The following ASCC2 variants were observed in gnomAD, a reference collection of about 807,000 sequenced individuals.
ASCC2 encodes ASC-1 complex subunit P100.
Under a neutral mutation model 93.5 loss-of-function variants are expected in ASCC2, and 42 were observed. The ratio of observed to expected loss-of-function variants is 0.45; its 90% confidence interval spans 0.35 to 0.58. The LOEUF is 0.58. Among genes scored for constraint, ASCC2 ranks in the 20% least tolerant of loss-of-function variants. ASCC2 has a pLI of 0.00. For missense variants in ASCC2, 859 were observed against 977.6 expected, an observed-to-expected ratio of 0.88 and a Z score of 1.62; for synonymous variants, 364 against 384.2, an observed-to-expected ratio of 0.95 and a Z score of 0.62.
intron 5 of ASCC2, among the ~76,000 whole-genome samples, chr22:29,819,981 T>C (rs1569412979): frequency 1.3e-5 from 2 of 151,864 alleles, no homozygotes; most frequent in African/African-American, 4.8e-5. Context: ...AGAATCAGCC[T>C]CCAGAGTAGC....
rs567995470 is a variant in ASCC2 at position 29,809,113 on chromosome 22, C to T, written c.834-928G>A. On this transcript the variant is annotated intron_variant, in intron 8 of 19. Transcript: ENST00000307790. ...CTCCAGCCTGGGCAACAGAGTGAGA[C>T]TCTGTCTCAAAAAAAAAAAAAAAAA... 1.9e-3 allele frequency among the ~76,000 whole-genome samples: 244 copies of T among 129,960 alleles called. 7 individuals are homozygous for T. In the South Asian group the frequency reaches 0.053, roughly 28 times the overall value. The allele number at this position is 129,960 out of a possible 152,430, so 85.3% of individuals were successfully genotyped here.
In ASCC2 at chr22:29,810,231, T is replaced by A. The variant is rs147726640; in HGVS notation, c.834-2046A>T. ...TCTTCCTTTCCAGAACTAGATGCAC[T>A]GCATGTGGAATATATTGCCCTGTTG... is the stretch of plus-strand genomic sequence containing the variant. On this transcript the variant is annotated intron_variant, in intron 8 of 19. Transcript: ENST00000307790. The A allele has an allele frequency of 4.6e-5, 7 of 152,412 alleles. No individual in the cohort carries two copies. In the East Asian group the frequency reaches 1.3e-3, roughly 29 times the overall value. 9.4% of individuals were successfully genotyped at this position (152,412 alleles called of 1,614,324 possible).
intron 12 of ASCC2, among the ~76,000 whole-genome samples, chr22:29,805,331 T>A (rs1250587902): frequency 6.6e-6 from 1 of 152,170 alleles, no homozygotes; most frequent in Non-Finnish European, 1.5e-5. Context: ...CTGGGCACTG[T>A]CAAGCCAGAA....
chr22:29,805,240 G>A (rs1007867835), intron 12 of ASCC2, among the ~76,000 whole-genome samples: 2 of 152,218 alleles, frequency 1.3e-5, no homozygotes, highest in African/African-American at 4.8e-5. Context: ...CCCTGAAGCA[G>A]GACTGAGCAA....
intron 5 of ASCC2, chr22:29,822,000 T>TC: frequency 2.3e-6 from 1 of 430,382 alleles, no homozygotes; most frequent in Non-Finnish European, 4.6e-6. Flanking sequence ...CTTTGTCTTT[T>TC]TTCTTTTTTT....
intron 19 of ASCC2, among the ~76,000 whole-genome samples, chr22:29,790,040 C>A (rs1410902848): frequency 2.6e-5 from 4 of 152,222 alleles, no homozygotes; most frequent in African/African-American, 7.2e-5. Context: ...AGGGGCCCAA[C>A]TCAAGTGCCC....
At chr22:29,797,107 G>A (rs956846681) in intron 15 of ASCC2, among the ~76,000 whole-genome samples, 7 of 152,172 alleles carry the variant, frequency 4.6e-5, no homozygotes, top group Non-Finnish European at 7.4e-5. Context: ...AGCCAGAAAG[G>A]AAAAAGAAAA....
intron 5 of ASCC2, among the ~76,000 whole-genome samples, chr22:29,817,305 T>G (rs1335225240): frequency 6.6e-6 from 1 of 152,102 alleles, no homozygotes; most frequent in Non-Finnish European, 1.5e-5. Context: ...CACCAAACTC[T>G]GTTCTTCCTA....
At chr22:29,790,656 G>T in intron 18 of ASCC2, 108 bp from the exon 19 acceptor site, 1 of 1,156,320 alleles carries the variant, frequency 8.6e-7, no homozygotes, top group Non-Finnish European at 1.3e-6. Flanking sequence ...CATGCCAGGT[G>T]TGGGGGGAAG....
chr22:29,798,296 C>T lies in ASCC2; in HGVS notation c.1688+2695G>A, dbSNP rs5997527. Among the ~76,000 whole-genome samples, 157 of 152,246 alleles carry T rather than the reference C, an allele frequency of 1.0e-3. 2 individuals carry two copies. Among genetic ancestry groups the T allele is most frequent in the African/African-American group, 3.7e-3 (154 of 41,542 alleles). On this transcript the variant is annotated intron_variant, in intron 15 of 19. Transcript: ENST00000307790. Reference sequence around the variant, plus strand: ...TTCACCCTGGAGCTCCAGGCCTGCACCCTGTGAGTTGGTTTTCCTGATGAG... The same window carrying T: ...TTCACCCTGGAGCTCCAGGCCTGCATCCTGTGAGTTGGTTTTCCTGATGAG...
intron 6 of ASCC2, among the ~76,000 whole-genome samples, chr22:29,815,557 G>C (rs1432425117): frequency 6.6e-6 from 1 of 152,134 alleles, no homozygotes; most frequent in African/African-American, 2.4e-5. Context: ...AACTTACTGT[G>C]AACAGTAGAT....
chr22:29,825,379 G>T lies in ASCC2; in HGVS notation c.241-122C>A. The T allele has an allele frequency of 7.7e-7, 1 of 1,297,202 alleles. No homozygotes were observed. Among genetic ancestry groups the T allele is most frequent in the Non-Finnish European group, 1.1e-6 (1 of 943,638 alleles). 80.4% of individuals were successfully genotyped at this position (1,297,202 alleles called of 1,614,324 possible). Reference sequence around the variant, plus strand: ...CTATTCCAAACACTCCGACCCCAAGGGACCAAGGAGGTATGAATGAGCCAA... The same window carrying T: ...CTATTCCAAACACTCCGACCCCAAGTGACCAAGGAGGTATGAATGAGCCAA... On this transcript the variant is annotated intron_variant, in intron 3 of 19. Coordinates refer to ENST00000307790, the MANE Select transcript of ASCC2 (RefSeq NM_032204.5). The surrounding 1 kb of genome is among the most constrained non-coding windows in gnomAD (Gnocchi z 4.9).
chr22:29,813,379 T>G, intron 8 of ASCC2, 51 bp downstream of exon 8: 7 of 1,252,144 alleles, frequency 5.6e-6, no homozygotes, highest in Non-Finnish European at 8.2e-6. Flanking sequence ...ATTTGTTAAA[T>G]TAGTACATAA....
intron 2 of ASCC2, among the ~76,000 whole-genome samples, chr22:29,826,537 C>CT (rs1456665665): frequency 6.6e-6 from 1 of 152,104 alleles, no homozygotes; most frequent in African/African-American, 2.4e-5. Context: ...TCTCAAACTC[C>CT]TGGGCTCAAG....
chr22:29,836,128 C>T (rs533219591), intron 1 of ASCC2, among the ~76,000 whole-genome samples: 2 of 152,144 alleles, frequency 1.3e-5, no homozygotes, highest in East Asian at 3.9e-4. Flanking sequence ...CACTGAACTC[C>T]AGCCTAGGGG....
At chr22:29,801,947 C>A (rs369900218) in intron 14 of ASCC2, 47 bp downstream of exon 14, 3 of 1,526,462 alleles carry the variant, frequency 2.0e-6, no homozygotes, top group Admixed American at 3.9e-5. Context: ...GGCCCCACCC[C>A]GAGGCAGCCT....
At chr22:29,806,764 T>C (rs1169433291) in intron 10 of ASCC2, 33 bp downstream of exon 10, 2 of 1,560,660 alleles carry the variant, frequency 1.3e-6, no homozygotes, top group Non-Finnish European at 1.8e-6. Flanking sequence ...GGGAGGAGAC[T>C]CTTCCACCAG....
intron 2 of ASCC2, among the ~76,000 whole-genome samples, chr22:29,828,383 A>C (rs1026534408): frequency 7.2e-5 from 11 of 152,150 alleles, no homozygotes; most frequent in African/African-American, 2.4e-4. Context: ...TTTAATCTAC[A>C]AAAACTATTT....
chr22:29,813,319 G>C (rs546284488), intron 8 of ASCC2, 111 bp downstream of exon 8: 25 of 768,788 alleles, frequency 3.3e-5, no homozygotes, highest in East Asian at 2.9e-4. Flanking sequence ...GGCTGGAAGA[G>C]GGACTGGTAC....
Sources: allele counts gnomAD v4.1 joint callset (sites outside exome capture counted in the v4.1 genomes callset), GRCh38; gene constraint gnomAD v4.1.1; non-coding constraint Gnocchi (gnomAD v3.1); transcripts MANE v1.5; gene names NCBI Gene and HGNC (gene_info 2026-07-23, HGNC 2026-07-21).